The following CNTN3 variants were observed in gnomAD, a reference collection of about 807,000 sequenced individuals.
CNTN3 encodes contactin 3, also known as contactin-3.
A neutral mutation model predicts 119.1 loss-of-function variants in CNTN3; 60 were observed. That is an observed-to-expected ratio of 0.50 (90% CI 0.41 to 0.62). The LOEUF is 0.62. CNTN3 is among the 20% of genes least tolerant of loss of function. The pLI is 0.00. For missense variants in CNTN3, 1,101 were observed against 1,242.4 expected (o/e 0.89, Z 1.71); for synonymous variants, 450 against 438.7 (o/e 1.03, Z -0.32).
At chr3:74,330,168 C>G (rs1703226867) in intron 13 of CNTN3, among the ~76,000 whole-genome samples, 1 of 152,080 alleles carries the variant, frequency 6.6e-6, no homozygotes, top group Non-Finnish European at 1.5e-5. Flanking sequence ...CCAGCCTGGC[C>G]AGCATGGTGA....
At chr3:74,564,345 G>C (rs1704196425) in intron 1 of CNTN3, among the ~76,000 whole-genome samples, 1 of 152,096 alleles carries the variant, frequency 6.6e-6, no homozygotes, top group Admixed American at 6.6e-5. Context: ...ATATGGTACA[G>C]AATGATGAGT....
chr3:74,580,686 T>G (rs890814938), intron 1 of CNTN3, among the ~76,000 whole-genome samples: 5 of 152,038 alleles, frequency 3.3e-5, no homozygotes, highest in Admixed American at 1.3e-4. Flanking sequence ...ATGATAAAAA[T>G]TACCAGCCAA....
chr3:74,486,237 C>A (rs1430501435), intron 4 of CNTN3, among the ~76,000 whole-genome samples: 1 of 151,540 alleles, frequency 6.6e-6, no homozygotes, highest in Non-Finnish European at 1.5e-5. Flanking sequence ...TACATGCACA[C>A]ATGCACACCA....
intron 5 of CNTN3, among the ~76,000 whole-genome samples, chr3:74,414,310 C>A (rs1043196842): frequency 6.6e-6 from 1 of 152,150 alleles, no homozygotes; most frequent in East Asian, 1.9e-4. Flanking sequence ...ATCAAAGTTC[C>A]ATGTAAGCCA....
At chr3:74,464,439 TATA>T (rs1224457733) in intron 4 of CNTN3, among the ~76,000 whole-genome samples, 5 of 152,158 alleles carry the variant, frequency 3.3e-5, no homozygotes, top group Non-Finnish European at 7.4e-5. Flanking sequence ...AGCAGAAATG[TATA>T]ATGACAGTGG....
At chr3:74,350,135 T>C (rs939459087) in intron 11 of CNTN3, among the ~76,000 whole-genome samples, 9 of 152,164 alleles carry the variant, frequency 5.9e-5, no homozygotes, top group African/African-American at 2.2e-4. Context: ...TAAAATAACA[T>C]TTGGGTGGAA....
At position 74,301,657 on chromosome 3, in the gene CNTN3, G is replaced by A. The variant is rs146095571; in HGVS notation, c.1935C>T (p.Thr645=). The A allele has an allele frequency of 4.3e-6, 7 of 1,613,948 alleles. No individual in the cohort carries two copies. Among genetic ancestry groups the A allele is most frequent in the Non-Finnish European group, 4.2e-6 (5 of 1,179,956 alleles). Reference sequence around the variant, plus strand: ...CCTCTCCTGCTTTACCTGTTGTGACGGTTTGCCAACCCACGGAGAAAGGTG... The same window carrying A: ...CCTCTCCTGCTTTACCTGTTGTGACAGTTTGCCAACCCACGGAGAAAGGTG... The part of the protein sequence containing the change: ...ARTPFSVGWQ[T]VTTVPEVIDG... Residue 645 remains threonine (T), a synonymous_variant, in exon 15 of 23, where the codon ACC becomes ACT. Coordinates refer to ENST00000263665, the MANE Select transcript of CNTN3 (RefSeq NM_020872.3).
At chr3:74,500,856 T>C (rs563946200) in intron 2 of CNTN3, among the ~76,000 whole-genome samples, 1 of 152,252 alleles carries the variant, frequency 6.6e-6, no homozygotes, top group Admixed American at 6.6e-5. Flanking sequence ...TGTTCATTAA[T>C]CCTCAGAATA....
In CNTN3 at chr3:74,365,660, G is replaced by A. The variant is rs755550652; in HGVS notation, c.989C>T (p.Ala330Val). 2.5e-5 allele frequency: 41 copies of A among 1,613,232 alleles called. No individual in the cohort carries two copies. The highest frequency in any genetic ancestry group is 3.2e-5 in the Non-Finnish European group (38 of 1,179,520). The change falls in exon 9 of 23, where the codon GCC (alanine) becomes GTC (valine). Residue 330 changes from alanine (A) to valine (V), a missense_variant. By Grantham distance (64) the Ala-to-Val change is moderately conservative. Coordinates refer to ENST00000263665, the MANE Select transcript of CNTN3 (RefSeq NM_020872.3). The stretch of plus-strand genomic sequence containing the variant: ...TTCCCAATAAAGACTGTCCTCCACG[G>A]CTATTTCCACATCCTTTATGAGTTG... ...WVQLIKDVEIAVEDSLYWECR... is the reference protein window; with the variant it reads ...WVQLIKDVEIVVEDSLYWECR...
chr3:74,602,701 G>A (rs1450000740), intron 1 of CNTN3, among the ~76,000 whole-genome samples: 3 of 152,036 alleles, frequency 2.0e-5, no homozygotes, highest in Non-Finnish European at 4.4e-5. Context: ...GAGATCAAGA[G>A]AGGTAGAATA....
At chr3:74,515,076 A>G (rs1001484833) in intron 2 of CNTN3, among the ~76,000 whole-genome samples, 8 of 152,078 alleles carry the variant, frequency 5.3e-5, no homozygotes, top group Non-Finnish European at 7.4e-5. Context: ...GGAAGTTTGA[A>G]AAGAATAAAC....
intron 11 of CNTN3, 117 bp from the exon 12 acceptor site, chr3:74,336,775 C>A: frequency 2.6e-6 from 2 of 756,678 alleles, no homozygotes; most frequent in Non-Finnish European, 2.0e-6. Context: ...GCATGATCAA[C>A]CAGTCCTTAG....
intron 4 of CNTN3, among the ~76,000 whole-genome samples, chr3:74,455,370 T>C (rs1392707299): frequency 1.3e-5 from 2 of 152,070 alleles, no homozygotes; most frequent in Non-Finnish European, 2.9e-5. Flanking sequence ...CTTTAAGCAC[T>C]TCTCTGTATT....
chr3:74,514,851 C>T (rs1703425207), intron 2 of CNTN3, among the ~76,000 whole-genome samples: 1 of 152,002 alleles, frequency 6.6e-6, no homozygotes, highest in Non-Finnish European at 1.5e-5. Flanking sequence ...TTTTACATAC[C>T]TATCTGTGGG....
At chr3:74,504,023 G>A (rs1264743441) in intron 2 of CNTN3, among the ~76,000 whole-genome samples, 2 of 151,988 alleles carry the variant, frequency 1.3e-5, no homozygotes, top group Non-Finnish European at 2.9e-5. Context: ...CAATTCTAAT[G>A]GTCATACTCT....
At chr3:74,304,109 C>T (rs1217316080) in intron 13 of CNTN3, among the ~76,000 whole-genome samples, 1 of 152,092 alleles carries the variant, frequency 6.6e-6, no homozygotes, top group Non-Finnish European at 1.5e-5. Context: ...TTAAATATTG[C>T]TTCCCATCTT....
chr3:74,264,322 G>T lies in CNTN3; in HGVS notation c.*79C>A. 2 of 566,192 alleles carry T rather than the reference G, an allele frequency of 3.5e-6. No individual in the cohort carries two copies. The highest frequency in any genetic ancestry group is 2.9e-6 in the Non-Finnish European group (1 of 342,310). 35.1% of individuals were successfully genotyped at this position (566,192 alleles called of 1,614,324 possible). ...TAAAAATAAGAGTTGAAAAAAACAT[G>T]CATAATCACTGCATTTCATGAAAGC... On this transcript the variant is annotated 3_prime_UTR_variant, in exon 23 of 23. Coordinates refer to ENST00000263665, the MANE Select transcript of CNTN3 (RefSeq NM_020872.3).
chr3:74,344,597 A>G (rs993784624), intron 11 of CNTN3, among the ~76,000 whole-genome samples: 1 of 151,276 alleles, frequency 6.6e-6, no homozygotes, highest in Non-Finnish European at 1.5e-5. Flanking sequence ...AGCTGGGACT[A>G]CAGGCGGCCG....
chr3:74,489,369 C>A (rs1281352230), intron 3 of CNTN3, among the ~76,000 whole-genome samples: 1 of 152,086 alleles, frequency 6.6e-6, no homozygotes, highest in Non-Finnish European at 1.5e-5. Context: ...ATTTCATATT[C>A]AACAACCGAT....
Sources: allele counts gnomAD v4.1 joint callset (sites outside exome capture counted in the v4.1 genomes callset), GRCh38; gene constraint gnomAD v4.1.1; transcripts MANE v1.5; gene names NCBI Gene and HGNC (gene_info 2026-07-23, HGNC 2026-07-21).